Variants in SEPTIN4 observed in about 807,000 individuals in gnomAD.
The protein encoded by SEPTIN4 is septin-4.
SEPTIN4 carries 52 observed loss-of-function variants against 107.1 expected under a neutral mutation model. That is an observed-to-expected ratio of 0.49 (90% CI 0.39 to 0.61). The LOEUF is 0.61. SEPTIN4 is among the 20% of genes least tolerant of loss of function. SEPTIN4 has a pLI of 0.00. For missense variants in SEPTIN4, 1,048 were observed against 1,243.5 expected (o/e 0.84, Z 2.36); for synonymous variants, 417 against 467.0 (o/e 0.89, Z 1.38).
chr17:58,525,255 G>C, intron 6 of SEPTIN4, 54 bp from the exon 7 acceptor site: 1 of 1,600,612 alleles, frequency 6.2e-7, no homozygotes, highest in Non-Finnish European at 8.5e-7. Flanking sequence ...GCCCAGTCAG[G>C]ATGAACCGCC....
intron 12 of SEPTIN4, 35 bp from the exon 13 acceptor site, chr17:58,520,877 A>T: frequency 6.2e-7 from 1 of 1,613,846 alleles, no homozygotes; most frequent in Non-Finnish European, 8.5e-7. Context: ...GGCGAGGAGG[A>T]CCCCAGCACC....
intron 3 of SEPTIN4, among the ~76,000 whole-genome samples, chr17:58,537,108 G>C (rs1050396265): frequency 1.3e-5 from 2 of 152,190 alleles, no homozygotes; most frequent in Non-Finnish European, 2.9e-5. Flanking sequence ...AGAACTAAGG[G>C]AGTCTGGCCT....
Position 58,526,756 on chromosome 17 carries a change from C to A in SEPTIN4, c.1837G>T (p.Ala613Ser). The part of the protein sequence containing the change: ...QSSDNQQYFC[A>S]PAPLSPSARP... Reference sequence around the variant, plus strand: ...GCAGATGGGCTGAGAGGGGCTGGGGCACAGAAGTACTGCTGGTTGTCAGAG... The same window carrying A: ...GCAGATGGGCTGAGAGGGGCTGGGGAACAGAAGTACTGCTGGTTGTCAGAG... Residue 613 changes from alanine (A) to serine (S), a missense_variant, in exon 4 of 14, where the codon GCC (alanine) becomes TCC (serine). Around this residue, in one of 2 missense-constraint regions of SEPTIN4, gnomAD observed 787 missense variants for 871.8 expected, o/e 0.90. Transcript: ENST00000672673. The A allele has an allele frequency of 1.2e-6, 2 of 1,613,186 alleles. No individual in the cohort carries two copies. The highest frequency in any genetic ancestry group is 8.5e-7 in the Non-Finnish European group (1 of 1,179,690).
intron 3 of SEPTIN4, among the ~76,000 whole-genome samples, chr17:58,535,090 T>TG (rs1406615846): frequency 6.6e-5 from 10 of 152,214 alleles, no homozygotes; most frequent in Non-Finnish European, 1.5e-5. Context: ...AGGCTATCAC[T>TG]GGGTTGTGTC....
intron 7 of SEPTIN4, among the ~76,000 whole-genome samples, chr17:58,524,180 C>A (rs1177292087): frequency 6.6e-6 from 1 of 152,202 alleles, no homozygotes; most frequent in Admixed American, 6.5e-5. Context: ...TCTTCATCTA[C>A]TCACTTAGGT....
intron 2 of SEPTIN4, 55 bp downstream of exon 2, chr17:58,541,867 G>C (rs1436974282): frequency 6.2e-7 from 1 of 1,613,970 alleles, no homozygotes; most frequent in Non-Finnish European, 8.5e-7. Flanking sequence ...CTCCTCACCT[G>C]TCCTCCCATC....
intron 3 of SEPTIN4, 110 bp from the exon 4 acceptor site, chr17:58,527,088 G>T: frequency 6.4e-7 from 1 of 1,555,686 alleles, no homozygotes; most frequent in Non-Finnish European, 8.8e-7. Context: ...GAAAGGGAAA[G>T]CACTTGTGGT....
Position 58,520,328 on chromosome 17 carries a change from G to A in SEPTIN4, c.*98C>T. ...GTCAGCAGGGATGTAAGGCGAAGTG[G>A]CAGTAGCTGAAGGGGCCTGAGCAGA... On this transcript the variant is annotated 3_prime_UTR_variant, in exon 14 of 14. Transcript: ENST00000672673. 9.3e-7 allele frequency: 1 copy of A among 1,076,138 alleles called. No individual in the cohort carries two copies. The highest frequency in any genetic ancestry group is 1.4e-6 in the Non-Finnish European group (1 of 717,616). The allele number at this position is 1,076,138 out of a possible 1,614,324, so 66.7% of individuals were successfully genotyped here. A position where few individuals can be genotyped will look rare whatever the true frequency, so the allele number is the denominator to read the frequency against.
rs533106066 is a variant in SEPTIN4 at position 58,521,642 on chromosome 17, C to T, written c.2474G>A (p.Arg825Gln). 16 of 1,614,204 alleles carry T rather than the reference C, an allele frequency of 9.9e-6. No individual in the cohort carries two copies. Among genetic ancestry groups the T allele is most frequent in the African/African-American group, 2.7e-5 (2 of 75,044 alleles). ...GATTCCAAAATGCTCAATCTCCTCC[C>T]GGATCTGACAAACAGATGAGGGGCC... ...PEVDHKKRKI[R>Q]EEIEHFGIKI... The change falls in exon 10 of 14, where the codon CGG becomes CAG. Residue 825 changes from arginine to glutamine, a missense_variant. Around this residue, in one of 2 missense-constraint regions of SEPTIN4, gnomAD observed 261 missense variants for 371.7 expected, o/e 0.70. Coordinates refer to ENST00000672673, the MANE Select transcript of SEPTIN4 (RefSeq NM_001368771.2). The surrounding 1 kb of genome is among the most constrained non-coding windows in gnomAD (Gnocchi z 6.4).
intron 1 of SEPTIN4, 109 bp from the exon 2 acceptor site, chr17:58,542,075 G>A (rs941761940): frequency 1.0e-5 from 13 of 1,298,130 alleles, no homozygotes; most frequent in Non-Finnish European, 1.4e-5. Flanking sequence ...ACTCAAAGGT[G>A]CCCTCAGCCC....
chr17:58,531,787 G>T, intron 3 of SEPTIN4: 1 of 526,196 alleles, frequency 1.9e-6, no homozygotes, highest in Non-Finnish European at 2.5e-6. Context: ...TGGGAGCAGC[G>T]ACGCACCGCC....
At chr17:58,537,870 C>T (rs111758224) in intron 3 of SEPTIN4, among the ~76,000 whole-genome samples, 4 of 151,604 alleles carry the variant, frequency 2.6e-5, no homozygotes, top group African/African-American at 4.8e-5. Context: ...TGCCCTGCCC[C>T]GTTTTCAGCA....
intron 1 of SEPTIN4, 91 bp downstream of exon 1, chr17:58,542,535 C>T (rs1041927749): frequency 1.3e-6 from 2 of 1,491,224 alleles, no homozygotes; most frequent in Admixed American, 4.3e-5. Flanking sequence ...AGCCCTTAGG[C>T]CCAGAATGAA....
At chr17:58,535,978 C>G (rs1206192249) in intron 3 of SEPTIN4, among the ~76,000 whole-genome samples, 1 of 152,222 alleles carries the variant, frequency 6.6e-6, no homozygotes, top group Non-Finnish European at 1.5e-5. Context: ...TCACACCCAC[C>G]TCCCAGCCCC....
chr17:58,541,542 G>C (rs563881629), intron 2 of SEPTIN4: 3 of 344,346 alleles, frequency 8.7e-6, no homozygotes, highest in Admixed American at 4.4e-5. Context: ...CATGAGAAGA[G>C]CCCCCAGCCT....
At chr17:58,536,350 G>A (rs117226740) in intron 3 of SEPTIN4, among the ~76,000 whole-genome samples, 5 of 152,346 alleles carry the variant, frequency 3.3e-5, no homozygotes, top group Non-Finnish European at 7.3e-5. Flanking sequence ...TGTCAACTGT[G>A]ACTATTTCAA....
intron 3 of SEPTIN4, among the ~76,000 whole-genome samples, chr17:58,535,052 C>T (rs779453465): frequency 2.6e-4 from 39 of 152,316 alleles, no homozygotes; most frequent in Middle Eastern, 3.4e-3. Context: ...GAGTCACTGA[C>T]GATACAGTCA....
intron 3 of SEPTIN4, chr17:58,531,941 CGCCT>C (rs1293102461): frequency 2.1e-5 from 24 of 1,146,374 alleles, no homozygotes; most frequent in East Asian, 8.8e-5. Flanking sequence ...CGCGCCCGCC[CGCCT>C]GCCTGCCTGC....
At chr17:58,523,410 A>G (rs1194264895) in intron 7 of SEPTIN4, among the ~76,000 whole-genome samples, 1 of 151,608 alleles carries the variant, frequency 6.6e-6, no homozygotes, top group African/African-American at 2.4e-5. Context: ...GAGGGAAAGG[A>G]AAAGGACTTT....
Sources: gnomAD v4.1 joint callset for allele counts (sites outside exome capture counted in the v4.1 genomes callset) on GRCh38, gnomAD v4.1.1 for gene constraint, gnomAD v4.1.1 regional missense constraint, Gnocchi (gnomAD v3.1) non-coding constraint, MANE v1.5 for transcripts, NCBI Gene and HGNC (gene_info 2026-07-23, HGNC 2026-07-21) for gene names.